The following SGCZ variants were observed in gnomAD, a reference collection of about 807,000 sequenced individuals.
The protein encoded by SGCZ is zeta-sarcoglycan.
A neutral mutation model predicts 41.3 loss-of-function variants in SGCZ; 40 were observed. The ratio of observed to expected loss-of-function variants is 0.97; its 90% CI spans 0.75 to 1.26. The LOEUF is 1.26. Among genes scored for constraint, SGCZ ranks in the 50% most tolerant of loss-of-function variants. The probability of loss-of-function intolerance (pLI) is 0.00; values close to 1 mark genes in which losing one functional copy is unlikely to be tolerated. For missense variants in SGCZ, 552 were observed against 369.8 expected (o/e 1.49, Z -4.04); for synonymous variants, 206 against 137.5 (o/e 1.50, Z -3.49).
intron 2 of SGCZ, among the ~76,000 whole-genome samples, chr8:14,461,731 C>A (rs532059903): frequency 1.3e-5 from 2 of 152,076 alleles, no homozygotes; most frequent in East Asian, 1.9e-4. Context: ...AAATAACTTA[C>A]ATGTCATTTA....
intron 1 of SGCZ, among the ~76,000 whole-genome samples, chr8:14,559,386 C>G (rs994800206): frequency 5.9e-5 from 9 of 151,716 alleles, no homozygotes; most frequent in African/African-American, 2.2e-4. Flanking sequence ...TACCATAGAG[C>G]AAAAAATAAA....
intron 2 of SGCZ, among the ~76,000 whole-genome samples, chr8:14,378,451 C>T (rs952076955): frequency 6.6e-6 from 1 of 152,128 alleles, no homozygotes; most frequent in Admixed American, 6.5e-5. Flanking sequence ...AACTTAAGAG[C>T]TTCTGTACAG....
At chr8:14,559,417 C>A (rs960861344) in intron 1 of SGCZ, among the ~76,000 whole-genome samples, 1 of 152,036 alleles carries the variant, frequency 6.6e-6, no homozygotes, top group African/African-American at 2.4e-5. Flanking sequence ...TAGAAATATA[C>A]CTAACCAATG....
intron 1 of SGCZ, among the ~76,000 whole-genome samples, chr8:14,723,465 A>C (rs998457658): frequency 2.0e-5 from 3 of 152,098 alleles, no homozygotes; most frequent in African/African-American, 7.2e-5. Flanking sequence ...TGGAGAACAG[A>C]GGGAGAGGAG....
At chr8:14,236,154 A>G (rs1180447841) in intron 4 of SGCZ, among the ~76,000 whole-genome samples, 6 of 152,208 alleles carry the variant, frequency 3.9e-5, no homozygotes, top group East Asian at 1.9e-4. Context: ...CAGTTCCAAC[A>G]TAACAGGAAT....
At chr8:14,472,688 C>T (rs1421336265) in intron 2 of SGCZ, among the ~76,000 whole-genome samples, 1 of 152,080 alleles carries the variant, frequency 6.6e-6, no homozygotes, top group Non-Finnish European at 1.5e-5. Context: ...CCCTATTTAA[C>T]TGGGAGAAGG....
intron 7 of SGCZ, 147 bp downstream of exon 7, chr8:14,102,229 A>T: frequency 1.1e-6 from 1 of 889,840 alleles, no homozygotes; most frequent in Non-Finnish European, 1.5e-6. Context: ...GAGATATGGT[A>T]ACCTAATATT....
At chr8:14,244,299 A>G (rs1298429718) in intron 3 of SGCZ, among the ~76,000 whole-genome samples, 1 of 150,802 alleles carries the variant, frequency 6.6e-6, no homozygotes, top group Non-Finnish European at 1.5e-5. Flanking sequence ...TCTTCCCCAG[A>G]GCAAGGTTGG....
intron 2 of SGCZ, among the ~76,000 whole-genome samples, chr8:14,368,169 T>C (rs1325384005): frequency 6.6e-6 from 1 of 152,106 alleles, no homozygotes; most frequent in African/African-American, 2.4e-5. Flanking sequence ...AATTTAATTA[T>C]GCAATATTTG....
At chr8:14,976,570 A>G (rs890014394) in intron 1 of SGCZ, among the ~76,000 whole-genome samples, 1 of 152,142 alleles carries the variant, frequency 6.6e-6, no homozygotes, top group Non-Finnish European at 1.5e-5. Flanking sequence ...GTCTATCTCT[A>G]GCTGTGAAGT....
At chr8:14,356,315 G>C (rs937843371) in intron 2 of SGCZ, among the ~76,000 whole-genome samples, 2 of 152,168 alleles carry the variant, frequency 1.3e-5, no homozygotes, top group Non-Finnish European at 2.9e-5. Context: ...CTGTGTATCA[G>C]TTACCCAAAA....
chr8:14,494,953 C>A (rs1275482387), intron 2 of SGCZ, among the ~76,000 whole-genome samples: 2 of 152,100 alleles, frequency 1.3e-5, no homozygotes, highest in African/African-American at 4.8e-5. Context: ...CACTTTTTCC[C>A]ATTGAATTTA....
chr8:14,816,526 A>G (rs144955109), intron 1 of SGCZ, among the ~76,000 whole-genome samples: 2 of 152,330 alleles, frequency 1.3e-5, no homozygotes, highest in African/African-American at 4.8e-5. Context: ...ATAATTAACT[A>G]TGTAAATAAT....
At chr8:14,091,179 T>G (rs1801678517) in intron 7 of SGCZ, among the ~76,000 whole-genome samples, 1 of 151,912 alleles carries the variant, frequency 6.6e-6, no homozygotes, top group Non-Finnish European at 1.5e-5. Flanking sequence ...TCCTTTTTTA[T>G]GGCTGCATAG....
intron 4 of SGCZ, among the ~76,000 whole-genome samples, chr8:14,205,822 G>C (rs985185451): frequency 6.6e-6 from 1 of 152,010 alleles, no homozygotes; most frequent in Non-Finnish European, 1.5e-5. Flanking sequence ...GATGCACTGA[G>C]ATTTATAGTC....
chr8:14,521,142 G>C (rs1802777105), intron 2 of SGCZ, among the ~76,000 whole-genome samples: 1 of 152,068 alleles, frequency 6.6e-6, no homozygotes, highest in Non-Finnish European at 1.5e-5. Flanking sequence ...ATAGTAAAGA[G>C]GTAGAATATT....
intron 1 of SGCZ, among the ~76,000 whole-genome samples, chr8:14,832,703 T>C (rs948215412): frequency 2.6e-5 from 4 of 152,182 alleles, no homozygotes; most frequent in African/African-American, 9.6e-5. Context: ...GTGTTGACTT[T>C]GGGAAAATTC....
At chr8:14,835,271 G>A (rs7462449) in intron 1 of SGCZ, among the ~76,000 whole-genome samples, 24,807 of 151,930 alleles carry the variant, frequency 0.16, 2,514 homozygotes, top group East Asian at 0.29. Context: ...TGTCATTTGC[G>A]AACTAACCTG....
intron 4 of SGCZ, among the ~76,000 whole-genome samples, chr8:14,231,199 T>TGTGTGTGTGTTGG (rs1563200021): frequency 4.8e-5 from 2 of 41,250 alleles, no homozygotes; most frequent in Admixed American, 2.5e-4. Flanking sequence ...GTGTGTGTAG[T>TGTGTGTGTGTTGG]GGGGAGAGAG....
Sources: gnomAD v4.1 joint callset for allele counts (sites outside exome capture counted in the v4.1 genomes callset) on GRCh38, gnomAD v4.1.1 for gene constraint, MANE v1.5 for transcripts, NCBI Gene and HGNC (gene_info 2026-07-23, HGNC 2026-07-21) for gene names.